Variants in VPS33B observed in about 807,000 individuals in gnomAD.
VPS33B encodes vacuolar protein sorting-associated protein 33B.
In VPS33B, 80 loss-of-function variants were observed where a neutral mutation model predicts 95.3. The ratio of observed to expected loss-of-function variants is 0.84; its 90% CI spans 0.70 to 1.01. VPS33B has a LOEUF of 1.01. Among genes scored for constraint, VPS33B ranks in the 50% least tolerant of loss-of-function variants. The pLI is 0.00. For synonymous variants in VPS33B, 280 were observed against 280.4 expected (o/e 1.00, Z 0.01); for missense variants, 715 against 773.4 (o/e 0.92, Z 0.90).
rs999833923 is a variant in VPS33B, at chr15:91,006,192, A to G, written c.853-133T>C. On this transcript the variant is annotated intron_variant, in intron 11 of 22. Transcript: ENST00000333371. The surrounding 1 kb of genome is among the most constrained non-coding windows in gnomAD (Gnocchi z 5.4). ...AAGCTGAGCTGGGATCTGTAAGTCC[A>G]TATCAAATGCCTACACCGTGTTCTA... 4.5e-6 allele frequency: 6 copies of G among 1,326,852 alleles called. No homozygotes were observed. Among genetic ancestry groups the G allele is most frequent in the South Asian group, 2.4e-5 (2 of 83,032 alleles). The allele number at this position is 1,326,852 out of a possible 1,614,324, so 82.2% of individuals were successfully genotyped here.
In VPS33B at chr15:91,007,131, A is replaced by T. The variant is rs2040633292; in HGVS notation, c.604-85T>A. 3 of 1,422,766 alleles carry T rather than the reference A, an allele frequency of 2.1e-6. No homozygotes were observed. The highest frequency in any genetic ancestry group is 2.9e-6 in the Non-Finnish European group (3 of 1,019,652). 88.1% of individuals were successfully genotyped at this position (1,422,766 alleles called of 1,614,324 possible). On this transcript the variant is annotated intron_variant, in intron 8 of 22. Coordinates refer to ENST00000333371, the MANE Select transcript of VPS33B (RefSeq NM_018668.5). The surrounding 1 kb of genome is among the most constrained non-coding windows in gnomAD (Gnocchi z 5.3). ...TACAGAAGTCAGCCCTTTCCACGTG[A>T]TACTTCCTCTTGTCCCCGAGACAGG...
In VPS33B at chr15:91,006,014, A is replaced by G; in HGVS notation, c.898T>C (p.Phe300Leu). 1 of 1,614,210 alleles carries G rather than the reference A, an allele frequency of 6.2e-7. No homozygotes were observed. Among genetic ancestry groups the G allele is most frequent in the Non-Finnish European group, 8.5e-7 (1 of 1,180,032 alleles). ...RNEHFSNVFG[F>L]LSQKARNLQA... Reference sequence around the variant, plus strand: ...AAGTTCCGGGCCTTCTGGCTCAAGAAGCCAAAGACATTGGAGAAGTGCTCG... The same window carrying G: ...AAGTTCCGGGCCTTCTGGCTCAAGAGGCCAAAGACATTGGAGAAGTGCTCG... The change falls in exon 12 of 23, where the codon TTC (phenylalanine) becomes CTC (leucine). Residue 300 changes from phenylalanine to leucine, a missense_variant. Coordinates refer to ENST00000333371, the MANE Select transcript of VPS33B (RefSeq NM_018668.5). The surrounding 1 kb of genome is among the most constrained non-coding windows in gnomAD (Gnocchi z 5.4).
Position 91,010,528 on chromosome 15 carries a change from G to C in VPS33B, c.358-682C>G, listed in dbSNP as rs1265882591. 1.3e-5 allele frequency among the ~76,000 whole-genome samples: 2 copies of C among 152,172 alleles called. No homozygotes were observed. The highest frequency in any genetic ancestry group is 2.9e-5 in the Non-Finnish European group (2 of 68,026). On this transcript the variant is annotated intron_variant, in intron 5 of 22. Coordinates refer to ENST00000333371, the MANE Select transcript of VPS33B (RefSeq NM_018668.5). This position sits in a 1 kb window ranked among gnomAD's most constrained non-coding sequence, Gnocchi z 5.7. ...AGGTGGGAGGATCACTTGAGCCCAG[G>C]AGGTCAAGGCTGCACTGAGCTGAGA...
chr15:91,006,400 A>T lies in VPS33B; in HGVS notation c.824T>A (p.Leu275Gln). The T allele has an allele frequency of 1.2e-6, 2 of 1,614,208 alleles. No homozygotes were observed. The highest frequency in any genetic ancestry group is 1.7e-6 in the Non-Finnish European group (2 of 1,180,036). The change falls in exon 11 of 23, where the codon CTG becomes CAG. Residue 275 changes from leucine (L) to glutamine (Q), a missense_variant. Transcript: ENST00000333371. This position sits in a 1 kb window ranked among gnomAD's most constrained non-coding sequence, Gnocchi z 5.4. ...GTCCTCGGCATTGAGTAGCACCTTC[A>T]GGCTCTTGTCAGAGGATGTGACTTC... The part of the protein sequence containing the change: ...GPEVTSSDKS[L>Q]KVLLNAEDKV...
intron 1 of VPS33B, among the ~76,000 whole-genome samples, chr15:91,019,757 G>A (rs912690082): frequency 1.3e-5 from 2 of 152,208 alleles, no homozygotes; most frequent in Admixed American, 6.5e-5. Context: ...GATTTAGGCT[G>A]GTGGTGGTGT....
At position 90,999,717 on chromosome 15, in the gene VPS33B, G is replaced by C; in HGVS notation, c.1734C>G (p.Phe578Leu). 6.2e-7 allele frequency: 1 copy of C among 1,614,192 alleles called. No homozygotes were observed. The highest frequency in any genetic ancestry group is 8.5e-7 in the Non-Finnish European group (1 of 1,180,038). ...ILVVFLGGCTFSEISALRFLG... is the reference protein window; with the variant it reads ...ILVVFLGGCTLSEISALRFLG... ...GGAACCGGAGGGCTGAGATCTCAGA[G>C]AATGTACAACCACCCAAGAACACCA... Residue 578 changes from phenylalanine to leucine, a missense_variant, in exon 22 of 23, where the codon TTC (phenylalanine) becomes TTG (leucine). Physicochemically the swap from Phe to Leu is conservative, Grantham distance 22 (BLOSUM62 0). Transcript: ENST00000333371. This position sits in a 1 kb window ranked among gnomAD's most constrained non-coding sequence, Gnocchi z 5.1.
rs935244472 is a variant in VPS33B at position 91,011,920 on chromosome 15, C to T, written c.357+1884G>A. 1.3e-5 allele frequency among the ~76,000 whole-genome samples: 2 copies of T among 152,004 alleles called. No homozygotes were observed. The highest frequency in any genetic ancestry group is 6.6e-5 in the Admixed American group (1 of 15,246). The stretch of plus-strand genomic sequence containing the variant: ...AGGAGAATTGCTTGAACCTGGGAGG[C>T]GGAGGTTGCAGTGAGTCGAGATTGC... On this transcript the variant is annotated intron_variant, in intron 5 of 22. Coordinates refer to ENST00000333371, the MANE Select transcript of VPS33B (RefSeq NM_018668.5). The surrounding 1 kb of genome is among the most constrained non-coding windows in gnomAD (Gnocchi z 5.5).
In VPS33B at chr15:90,999,246, C is replaced by T; in HGVS notation, c.1775-192G>A. 1.5e-6 allele frequency: 1 copy of T among 656,964 alleles called. No individual in the cohort carries two copies. Among genetic ancestry groups the T allele is most frequent in the South Asian group, 1.7e-5 (1 of 59,732 alleles). 40.7% of individuals were successfully genotyped at this position (656,964 alleles called of 1,614,324 possible). On this transcript the variant is annotated intron_variant, in intron 22 of 22. Coordinates refer to ENST00000333371, the MANE Select transcript of VPS33B (RefSeq NM_018668.5). This position sits in a 1 kb window ranked among gnomAD's most constrained non-coding sequence, Gnocchi z 5.1. The stretch of plus-strand genomic sequence containing the variant: ...TAACTGGGCTCCCTGCTGTGGCAGC[C>T]CAGAGTTAAGGCTATGGCAAGTTGT...
At position 91,000,952 on chromosome 15, in the gene VPS33B, G is replaced by A; in HGVS notation, c.1480-361C>T. 1 of 368,278 alleles carries A rather than the reference G, an allele frequency of 2.7e-6. No homozygotes were observed. The highest frequency in any genetic ancestry group is 5.2e-6 in the Non-Finnish European group (1 of 193,912). The allele number at this position is 368,278 out of a possible 1,614,324, so 22.8% of individuals were successfully genotyped here. ...TTGATTAAATGAATGAATCTACCAT[G>A]CTATAAGACTACCAAACAAAAGAAT... On this transcript the variant is annotated intron_variant, in intron 19 of 22. Coordinates refer to ENST00000333371, the MANE Select transcript of VPS33B (RefSeq NM_018668.5). The surrounding 1 kb of genome is among the most constrained non-coding windows in gnomAD (Gnocchi z 4.9).
chr15:91,017,904 G>GT lies in VPS33B; in HGVS notation c.97-20dup. On this transcript the variant is annotated intron_variant, in intron 1 of 22. Coordinates refer to ENST00000333371, the MANE Select transcript of VPS33B (RefSeq NM_018668.5). ...CAGGAAGCTGAAGGAGACACAATAT[G>GT]TTGGGTCACTCACAGGTCACATGAG... 1 of 1,613,244 alleles carries GT rather than the reference G, an allele frequency of 6.2e-7. No homozygotes were observed.
chr15:91,012,756 G>A (rs973332985), intron 5 of VPS33B, among the ~76,000 whole-genome samples: 2 of 152,182 alleles, frequency 1.3e-5, no homozygotes, highest in Admixed American at 1.3e-4. Flanking sequence ...GTGGAGGTGA[G>A]AGGGGAGCTC....
chr15:91,022,386 T>A lies in VPS33B; in HGVS notation c.-137A>T. On this transcript the variant is annotated 5_prime_UTR_variant, in exon 1 of 23. Coordinates refer to ENST00000333371, the MANE Select transcript of VPS33B (RefSeq NM_018668.5). ...CCAGAGACCCCAGATGGGCCCTCGC[T>A]CCTCAGCAGCACTCCAGGAATGAAT... 1 of 771,548 alleles carries A rather than the reference T, an allele frequency of 1.3e-6. No individual in the cohort carries two copies. Among genetic ancestry groups the A allele is most frequent in the South Asian group, 1.9e-5 (1 of 53,480 alleles). The allele number at this position is 771,548 out of a possible 1,614,324, so 47.8% of individuals were successfully genotyped here.
rs2040477852 is a variant in VPS33B at position 91,002,680 on chromosome 15, A to G, written c.1272+405T>C. Reference sequence around the variant, plus strand: ...AAGAAATAATTAGCACCAAACAAAGAAGAATAAAAAGCAGCATGAGACTTT... The same window carrying G: ...AAGAAATAATTAGCACCAAACAAAGGAGAATAAAAAGCAGCATGAGACTTT... On this transcript the variant is annotated intron_variant, in intron 17 of 22. Coordinates refer to ENST00000333371, the MANE Select transcript of VPS33B (RefSeq NM_018668.5). This position sits in a 1 kb window ranked among gnomAD's most constrained non-coding sequence, Gnocchi z 4.7. Among the ~76,000 whole-genome samples the G allele has an allele frequency of 6.6e-6, 1 of 151,870 alleles. No homozygotes were observed. The highest frequency in any genetic ancestry group is 2.4e-5 in the African/African-American group (1 of 41,378).
Position 91,001,376 on chromosome 15 carries a change from C to A in VPS33B, c.1479+13G>T. ...AACCCACTGTCTCCCCTAACCATCCCTGTTCCACATACCAAATTCAGCTTT... is the reference window on the plus strand; with the variant it reads ...AACCCACTGTCTCCCCTAACCATCCATGTTCCACATACCAAATTCAGCTTT... On this transcript the variant is annotated intron_variant, in intron 19 of 22. Transcript: ENST00000333371. 1 of 1,610,802 alleles carries A rather than the reference C, an allele frequency of 6.2e-7. No homozygotes were observed. Among genetic ancestry groups the A allele is most frequent in the South Asian group, 1.1e-5 (1 of 91,008 alleles).
rs1016429273 is a variant in VPS33B at position 91,002,793 on chromosome 15, C to T, written c.1272+292G>A. 2.0e-5 allele frequency among the ~76,000 whole-genome samples: 3 copies of T among 152,102 alleles called. No individual in the cohort carries two copies. The highest frequency in any genetic ancestry group is 2.9e-5 in the Non-Finnish European group (2 of 68,030). Reference sequence around the variant, plus strand: ...AGGAAAGCTGAATCAATGCCTCACACGGTGCTAAAATGAGGGAGACTCCCA... The same window carrying T: ...AGGAAAGCTGAATCAATGCCTCACATGGTGCTAAAATGAGGGAGACTCCCA... On this transcript the variant is annotated intron_variant, in intron 17 of 22. Coordinates refer to ENST00000333371, the MANE Select transcript of VPS33B (RefSeq NM_018668.5). The surrounding 1 kb of genome is among the most constrained non-coding windows in gnomAD (Gnocchi z 4.7).
rs184034281 is a variant in VPS33B at position 91,002,353 on chromosome 15, G to A, written c.1273-171C>T. ...GAAATAACCAAACAGGGCTGGGAGC[G>A]GTGGCTCATGCCTGTAATCCCAGCA... On this transcript the variant is annotated intron_variant, in intron 17 of 22. Transcript: ENST00000333371. The surrounding 1 kb of genome is among the most constrained non-coding windows in gnomAD (Gnocchi z 4.7). 6.6e-5 allele frequency among the ~76,000 whole-genome samples: 10 copies of A among 152,270 alleles called. No homozygotes were observed. Among genetic ancestry groups the A allele is most frequent in the East Asian group, 3.9e-4 (2 of 5,188 alleles).
In VPS33B at chr15:91,002,999, A is replaced by G. The variant is rs2040486936; in HGVS notation, c.1272+86T>C. 1 of 1,445,568 alleles carries G rather than the reference A, an allele frequency of 6.9e-7. No homozygotes were observed. Among genetic ancestry groups the G allele is most frequent in the East Asian group, 2.3e-5 (1 of 44,108 alleles). 89.5% of individuals were successfully genotyped at this position (1,445,568 alleles called of 1,614,324 possible). The stretch of plus-strand genomic sequence containing the variant: ...AACAGGAGGGTAATGGAGGCAGGAA[A>G]GGGGCCACTTCTCTTGCCTCTTTCA... On this transcript the variant is annotated intron_variant, in intron 17 of 22. Transcript: ENST00000333371. This position sits in a 1 kb window ranked among gnomAD's most constrained non-coding sequence, Gnocchi z 4.7.
At position 90,999,352 on chromosome 15, in the gene VPS33B, A is replaced by AT. The variant is rs753321280; in HGVS notation, c.1775-299dup. ...TTTTCTCTTGAGATGGAGTTTTGCT[A>AT]TTGTTGCCCAGGCTGGAGTGCAATG... On this transcript the variant is annotated intron_variant, in intron 22 of 22. Transcript: ENST00000333371. The surrounding 1 kb of genome is among the most constrained non-coding windows in gnomAD (Gnocchi z 5.1). 2 of 512,488 alleles carry AT rather than the reference A, an allele frequency of 3.9e-6. No individual in the cohort carries two copies. Among genetic ancestry groups the AT allele is most frequent in the Non-Finnish European group, 7.0e-6 (2 of 284,502 alleles). 31.7% of individuals were successfully genotyped at this position (512,488 alleles called of 1,614,324 possible).
chr15:91,015,172 C>T lies in VPS33B; in HGVS notation c.240-739G>A, dbSNP rs1284160511. Among the ~76,000 whole-genome samples the T allele has an allele frequency of 6.6e-6, 1 of 150,880 alleles. No individual in the cohort carries two copies. Among genetic ancestry groups the T allele is most frequent in the African/African-American group, 2.4e-5 (1 of 40,974 alleles). ...CCAACATGGTGAAACCCCGTCTCTA[C>T]TAAAAATACAAAAATTGGCTGGGCA... On this transcript the variant is annotated intron_variant, in intron 3 of 22. Transcript: ENST00000333371. The surrounding 1 kb of genome is among the most constrained non-coding windows in gnomAD (Gnocchi z 4.7).
Sources: allele counts gnomAD v4.1 joint callset (sites outside exome capture counted in the v4.1 genomes callset), GRCh38; gene constraint gnomAD v4.1.1; non-coding constraint Gnocchi (gnomAD v3.1); transcripts MANE v1.5; gene names NCBI Gene and HGNC (gene_info 2026-07-23, HGNC 2026-07-21).